The following ANTXR2 variants were observed in gnomAD, a reference collection of about 807,000 sequenced individuals.
The protein encoded by ANTXR2 is ANTXR cell adhesion molecule 2, also known as anthrax toxin receptor 2.
In ANTXR2, 44 loss-of-function variants were observed where a neutral mutation model predicts 73.7. That is an observed-to-expected ratio of 0.60 (90% confidence interval 0.47 to 0.77). The LOEUF is 0.77. ANTXR2 is among the 30% of genes least tolerant of loss of function. ANTXR2 has a pLI of 0.00. For missense variants in ANTXR2, 604 were observed against 592.5 expected (o/e 1.02, Z -0.20); for synonymous variants, 217 against 205.9 (o/e 1.05, Z -0.46).
chr4:79,993,534 A>C (rs753816133), intron 12 of ANTXR2, among the ~76,000 whole-genome samples: 1 of 151,956 alleles, frequency 6.6e-6, no homozygotes, highest in Non-Finnish European at 1.5e-5. Flanking sequence ...ACACAATCAA[A>C]ACTTCAATAC....
intron 7 of ANTXR2, among the ~76,000 whole-genome samples, chr4:80,043,997 G>T (rs1452661778): frequency 1.3e-5 from 2 of 151,926 alleles, no homozygotes; most frequent in African/African-American, 4.8e-5. Context: ...ATTCACTCTA[G>T]AATCAGAATT....
chr4:80,017,303 C>G (rs902099638), intron 11 of ANTXR2, among the ~76,000 whole-genome samples: 1 of 152,218 alleles, frequency 6.6e-6, no homozygotes, highest in East Asian at 1.9e-4. Flanking sequence ...GAGCACTATT[C>G]CCTCAGATGG....
intron 10 of ANTXR2, chr4:80,024,879 CCTT>C (rs1732353457): frequency 7.4e-6 from 2 of 269,486 alleles, no homozygotes; most frequent in South Asian, 6.7e-5. Context: ...CAAGGGAAAA[CCTT>C]CTGAGACAAG....
chr4:80,014,577 T>TAA (rs1731751619), intron 11 of ANTXR2, among the ~76,000 whole-genome samples: 3 of 151,586 alleles, frequency 2.0e-5, no homozygotes, highest in African/African-American at 4.8e-5. Flanking sequence ...AAAATATATA[T>TAA]ATATAAATAA....
chr4:79,962,121 G>A (rs1358334635), intron 16 of ANTXR2, among the ~76,000 whole-genome samples: 1 of 152,110 alleles, frequency 6.6e-6, no homozygotes, highest in Non-Finnish European at 1.5e-5. Context: ...ACCTAATTAA[G>A]AGATTATTTT....
intron 3 of ANTXR2, among the ~76,000 whole-genome samples, chr4:80,061,463 T>C (rs1734251466): frequency 1.3e-5 from 2 of 152,254 alleles, no homozygotes; most frequent in East Asian, 3.9e-4. Context: ...TCTCAATAGA[T>C]TATTAGCCAC....
intron 3 of ANTXR2, 82 bp downstream of exon 3, chr4:80,069,354 T>A: frequency 8.6e-7 from 1 of 1,160,640 alleles, no homozygotes; most frequent in Non-Finnish European, 1.3e-6. Context: ...CTGAGAGGCC[T>A]GAATCACCAC....
At chr4:79,919,903 AT>A (rs1560856369) in intron 16 of ANTXR2, among the ~76,000 whole-genome samples, 3 of 17,396 alleles carry the variant, frequency 1.7e-4, no homozygotes, top group Admixed American at 5.0e-4. Flanking sequence ...ATATATATAT[AT>A]ATATATATAT....
intron 7 of ANTXR2, among the ~76,000 whole-genome samples, chr4:80,042,798 C>T (rs6821375): frequency 0.76 from 115,090 of 151,886 alleles, 43,855 homozygotes; most frequent in East Asian, 0.94. Flanking sequence ...ATCCCAACAT[C>T]GCAAAAACAG....
At chr4:80,062,868 T>C (rs1454631288) in intron 3 of ANTXR2, among the ~76,000 whole-genome samples, 1 of 152,200 alleles carries the variant, frequency 6.6e-6, no homozygotes, top group East Asian at 1.9e-4. Context: ...CTTTGATTTC[T>C]TTAAACATCT....
intron 10 of ANTXR2, among the ~76,000 whole-genome samples, chr4:80,029,117 A>T (rs149493374): frequency 0.017 from 2,537 of 152,216 alleles, 40 homozygotes; most frequent in Middle Eastern, 0.082. Context: ...ATGTGTGATT[A>T]AAAAATGTAT....
At chr4:80,032,170 T>A (rs571158103) in intron 9 of ANTXR2, among the ~76,000 whole-genome samples, 71 of 151,828 alleles carry the variant, frequency 4.7e-4, no homozygotes, top group African/African-American at 1.6e-3. Context: ...GTAACTTTAA[T>A]AAAATATGAA....
chr4:80,006,134 T>C (rs897204689), intron 12 of ANTXR2, among the ~76,000 whole-genome samples: 4 of 152,180 alleles, frequency 2.6e-5, no homozygotes, highest in Non-Finnish European at 5.9e-5. Context: ...CCTTTAGTCT[T>C]GGCAAACCCT....
At chr4:79,948,267 T>C (rs1728583840) in intron 16 of ANTXR2, among the ~76,000 whole-genome samples, 1 of 152,136 alleles carries the variant, frequency 6.6e-6, no homozygotes, top group Non-Finnish European at 1.5e-5. Context: ...TAAGAGGACT[T>C]GGTTGAAAAA....
At chr4:79,909,689 C>T (rs1423567671) in intron 16 of ANTXR2, among the ~76,000 whole-genome samples, 1 of 151,812 alleles carries the variant, frequency 6.6e-6, no homozygotes, top group South Asian at 2.1e-4. Flanking sequence ...GCAATATACA[C>T]CTATATGTTT....
At chr4:79,914,251 G>A (rs1236555656) in intron 16 of ANTXR2, among the ~76,000 whole-genome samples, 1 of 152,010 alleles carries the variant, frequency 6.6e-6, no homozygotes, top group African/African-American at 2.4e-5. Context: ...ACAACTTAAC[G>A]TCTTTCTCTT....
At chr4:79,975,568 GCT>G (rs1729589925) in intron 16 of ANTXR2, among the ~76,000 whole-genome samples, 1 of 152,154 alleles carries the variant, frequency 6.6e-6, no homozygotes, top group Admixed American at 6.5e-5. Context: ...TTCAATGTTA[GCT>G]CAATACCCAG....
chr4:79,948,751 AAAG>A (rs1426378204), intron 16 of ANTXR2, among the ~76,000 whole-genome samples: 1 of 152,066 alleles, frequency 6.6e-6, no homozygotes, highest in Non-Finnish European at 1.5e-5. Context: ...AACTAAATGC[AAAG>A]AAGGAGAAGG....
chr4:79,978,199 T>C, intron 14 of ANTXR2, 25 bp from the exon 15 acceptor site: 1 of 1,609,634 alleles, frequency 6.2e-7, no homozygotes, highest in Non-Finnish European at 8.5e-7. Flanking sequence ...GAGAGTACTG[T>C]TATCAGACAT....
Sources: allele counts gnomAD v4.1 joint callset (sites outside exome capture counted in the v4.1 genomes callset), GRCh38; gene constraint gnomAD v4.1.1; transcripts MANE v1.5; gene names NCBI Gene and HGNC (gene_info 2026-07-23, HGNC 2026-07-21).